GUCY2F: variants seen among roughly 807,000 people sequenced by gnomAD.
GUCY2F encodes guanylate cyclase 2F, retinal.
GUCY2F carries 61 observed loss-of-function variants against 73.1 expected under a neutral mutation model. That is an observed-to-expected ratio of 0.83 (90% confidence interval 0.68 to 1.03). The LOEUF (loss-of-function observed/expected upper bound fraction) is 1.03, where lower values mean the gene tolerates loss of function less well. Among genes scored for constraint, GUCY2F ranks in the 50% least tolerant of loss-of-function variants. GUCY2F has a pLI of 0.00. For synonymous variants in GUCY2F, 331 were observed against 307.8 expected (o/e 1.08, Z -0.79); for missense variants, 912 against 854.3 (o/e 1.07, Z -0.84).
At chrX:109,440,752 A>G (rs1931848952) in intron 7 of GUCY2F, among the ~76,000 whole-genome samples, 1 of 112,326 alleles carries the variant, frequency 8.9e-6, no homozygotes, top group South Asian at 3.7e-4. Context: ...AAATTCTAGT[A>G]TCTTAGATCA....
Position 109,398,554 on chromosome X carries a change from G to A in GUCY2F, c.2270C>T (p.Ala757Val), listed in dbSNP as rs1219054534. The A allele has an allele frequency of 8.3e-7, 1 of 1,208,160 alleles. No individual in the cohort carries two copies. Among genetic ancestry groups the A allele is most frequent in the South Asian group, 1.8e-5 (1 of 56,348 alleles). The change falls in exon 11 of 20, where the codon GCT becomes GTT. Residue 757 changes from alanine (A) to valine (V), a missense_variant. Physicochemically the swap from Ala to Val is moderately conservative, Grantham distance 64. Coordinates refer to ENST00000218006, the MANE Select transcript of GUCY2F (RefSeq NM_001522.3). ...GTPFCMMDLP[A>V]QEIINRLKKP... ...TTTTCTCACCTCCCGCTTACCTTGAGCTGGCAGATCCATCATGCAGAATGG... is the reference window on the plus strand; with the variant it reads ...TTTTCTCACCTCCCGCTTACCTTGAACTGGCAGATCCATCATGCAGAATGG...
At chrX:109,474,146 G>A (rs1932631884) in intron 2 of GUCY2F, among the ~76,000 whole-genome samples, 1 of 111,776 alleles carries the variant, frequency 8.9e-6, no homozygotes, top group South Asian at 3.7e-4. Context: ...TCTGATTATA[G>A]GCCAGGCCTA....
At chrX:109,388,283 T>C (rs1930481487) in intron 15 of GUCY2F, among the ~76,000 whole-genome samples, 1 of 111,941 alleles carries the variant, frequency 8.9e-6, no homozygotes, top group Admixed American at 9.4e-5. Flanking sequence ...AAGAGTTTAG[T>C]ACCTGGAACA....
Position 109,475,624 on chromosome X carries a change from G to C in GUCY2F, c.313C>G (p.Gln105Glu), listed in dbSNP as rs775093662. 2 of 1,207,974 alleles carry C rather than the reference G, an allele frequency of 1.7e-6. No individual in the cohort carries two copies. The highest frequency in any genetic ancestry group is 3.5e-5 in the African/African-American group (2 of 56,961). The change falls in exon 2 of 20, where the codon CAG becomes GAG. Residue 105 changes from glutamine to glutamate, a missense_variant. Transcript: ENST00000218006. ...AAACTGGAGAGAGCCCTCGAAGTCT[G>C]GCAGTCTTCATTGAGAATCACGTAT... ...FEYVILNEDC[Q>E]TSRALSSFIS...
rs1234771860 is a variant in GUCY2F, at chrX:109,444,079, A to C, written c.1570-2597T>G. On this transcript the variant is annotated intron_variant, in intron 6 of 19. Coordinates refer to ENST00000218006, the MANE Select transcript of GUCY2F (RefSeq NM_001522.3). ...GACAAATTCCACTACCATGAGTCCT[A>C]GGGTCCTTTGGTGTCTCCAAAAATG... Among the ~76,000 whole-genome samples the C allele has an allele frequency of 7.2e-5, 8 of 111,820 alleles. No homozygotes were observed. In the East Asian group the frequency reaches 2.3e-3, roughly 32 times the overall value.
chrX:109,391,649 A>C (rs1046837270), intron 14 of GUCY2F, among the ~76,000 whole-genome samples: 1 of 111,505 alleles, frequency 9.0e-6, no homozygotes, highest in African/African-American at 3.3e-5. Flanking sequence ...CTTAGTCCCA[A>C]TTCTAGAAAA....
intron 9 of GUCY2F, 29 bp downstream of exon 9, chrX:109,408,963 T>TTAA: frequency 1.2e-6 from 1 of 811,462 alleles, no homozygotes; most frequent in Non-Finnish European, 1.8e-6. Context: ...ACAGAGAAAA[T>TTAA]CCAAGATTTC....
intron 8 of GUCY2F, among the ~76,000 whole-genome samples, chrX:109,410,666 T>C (rs1931087502): frequency 8.9e-6 from 1 of 112,606 alleles, no homozygotes; most frequent in African/African-American, 3.2e-5. Flanking sequence ...CCAACAATTG[T>C]ATTTTGTTGT....
chrX:109,475,142 CT>C lies in GUCY2F; in HGVS notation c.730+64del, dbSNP rs1277645265. 4.6e-6 allele frequency: 5 copies of C among 1,089,014 alleles called. No individual in the cohort carries two copies. In the African/African-American group the frequency reaches 7.4e-5, roughly 16 times the overall value. The allele number at this position is 1,089,014 out of a possible 1,213,427, so 89.7% of individuals were successfully genotyped here. ...ACCCTAGGGTGTGAGGGTAGGAAAC[CT>C]TTTGGAGATTGTAATCTCTTTCCCT... On this transcript the variant is annotated intron_variant, in intron 2 of 19. Coordinates refer to ENST00000218006, the MANE Select transcript of GUCY2F (RefSeq NM_001522.3).
At chrX:109,388,450 C>T (rs771149833) in intron 15 of GUCY2F, 39 bp downstream of exon 15, 13 of 1,015,112 alleles carry the variant, frequency 1.3e-5, no homozygotes, top group South Asian at 1.0e-4. Context: ...TTCCTAGAGG[C>T]GCATTAGAAT....
intron 8 of GUCY2F, among the ~76,000 whole-genome samples, chrX:109,425,337 G>GT (rs1931459292): frequency 1.2e-5 from 1 of 82,811 alleles, no homozygotes; most frequent in East Asian, 3.6e-4. Context: ...AGAAATTGTT[G>GT]TGTGTGTGTG....
At chrX:109,441,270 A>T in intron 7 of GUCY2F, 81 bp downstream of exon 7, 1 of 587,380 alleles carries the variant, frequency 1.7e-6, no homozygotes, top group Non-Finnish European at 2.5e-6. Context: ...CAGTATTTTT[A>T]CCCAAAGACT....
chrX:109,481,147 A>G (rs1435759773), intron 1 of GUCY2F, among the ~76,000 whole-genome samples: 22 of 109,546 alleles, frequency 2.0e-4, no homozygotes, highest in Non-Finnish European at 3.6e-4. Context: ...TAGGGGGAGG[A>G]TGCCCTAAAC....
intron 11 of GUCY2F, among the ~76,000 whole-genome samples, chrX:109,397,665 C>T (rs1930741245): frequency 9.0e-6 from 1 of 111,696 alleles, no homozygotes; most frequent in African/African-American, 3.3e-5. Context: ...AATTCAAGAT[C>T]CCATATTGCA....
In GUCY2F at chrX:109,475,262, G is replaced by C; in HGVS notation, c.675C>G (p.Asp225Glu). The C allele has an allele frequency of 5.0e-6, 6 of 1,208,587 alleles. No homozygotes were observed. The highest frequency in any genetic ancestry group is 6.7e-6 in the Non-Finnish European group (6 of 893,980). The change falls in exon 2 of 20, where the codon GAC becomes GAG. Residue 225 changes from aspartate (D) to glutamate (E), a missense_variant. Physicochemically the swap from Asp to Glu is conservative, Grantham distance 45. Coordinates refer to ENST00000218006, the MANE Select transcript of GUCY2F (RefSeq NM_001522.3). ...PVGVVLTTGQ[D>E]SQSMRKALQR... ...GGAGGGCTTTCCGCATGCTTTGGCT[G>C]TCTTGTCCTGTGGTCAGGACGACCC...
In GUCY2F at chrX:109,395,424, G is replaced by A; in HGVS notation, c.2341C>T (p.Pro781Ser). 8.3e-7 allele frequency: 1 copy of A among 1,197,724 alleles called. No individual in the cohort carries two copies. The highest frequency in any genetic ancestry group is 1.1e-6 in the Non-Finnish European group (1 of 882,666). Residue 781 changes from proline (P) to serine (S), a missense_variant, in exon 12 of 20, where the codon CCT (proline) becomes TCT (serine). Transcript: ENST00000218006. The part of the protein sequence containing the change: ...YRPVVPPEHA[P>S]PECLQLMKQC... ...TTCATCAGCTGGAGACATTCTGGAG[G>A]GGCATGCTCAGGAGGAACTACTGGT...
intron 17 of GUCY2F, among the ~76,000 whole-genome samples, chrX:109,378,562 T>A (rs758181000): frequency 7.6e-4 from 85 of 111,777 alleles, no homozygotes; most frequent in African/African-American, 2.7e-3. Context: ...CCTTCATGGA[T>A]CTGTCAGTAC....
At chrX:109,425,534 G>C (rs1931466043) in intron 8 of GUCY2F, among the ~76,000 whole-genome samples, 1 of 109,986 alleles carries the variant, frequency 9.1e-6, no homozygotes, top group Non-Finnish European at 1.9e-5. Flanking sequence ...ATTATTCTAA[G>C]TGAAGTAGCT....
chrX:109,398,498 T>C (rs765198953), intron 11 of GUCY2F, 51 bp downstream of exon 11: 1 of 1,116,383 alleles, frequency 9.0e-7, no homozygotes, highest in South Asian at 2.0e-5. Context: ...GTTGGTCTGA[T>C]GATCTCGGTC....
Sources: allele counts gnomAD v4.1 joint callset (sites outside exome capture counted in the v4.1 genomes callset), GRCh38; gene constraint gnomAD v4.1.1; transcripts MANE v1.5; gene names NCBI Gene and HGNC (gene_info 2026-07-23, HGNC 2026-07-21).